VAV3: variants seen among roughly 807,000 people sequenced by gnomAD.
VAV3 encodes the protein vav guanine nucleotide exchange factor 3.
In VAV3, 94 loss-of-function variants were observed where a neutral mutation model predicts 131.2. The ratio of observed to expected loss-of-function variants is 0.72; its 90% CI spans 0.61 to 0.85. The LOEUF is 0.85. VAV3 is among the 40% of genes least tolerant of loss of function. The probability of loss-of-function intolerance (pLI) is 0.00; values close to 1 mark genes in which losing one functional copy is unlikely to be tolerated. For synonymous variants in VAV3, 349 were observed against 342.0 expected (o/e 1.02, Z -0.22); for missense variants, 939 against 1,002.7 (o/e 0.94, Z 0.86).
intron 1 of VAV3, among the ~76,000 whole-genome samples, chr1:107,944,863 C>T (rs1299921412): frequency 2.6e-5 from 4 of 152,174 alleles, no homozygotes; most frequent in African/African-American, 9.7e-5. Context: ...GCCTCGGCCT[C>T]CCAAAGTGCT....
intron 19 of VAV3, among the ~76,000 whole-genome samples, chr1:107,676,971 C>A (rs61798889): frequency 1.3e-5 from 2 of 151,932 alleles, no homozygotes; most frequent in South Asian, 4.1e-4. Flanking sequence ...GGAACTTCCA[C>A]GTTTCTAATA....
At chr1:107,936,401 T>C (rs1673711708) in intron 1 of VAV3, among the ~76,000 whole-genome samples, 1 of 152,188 alleles carries the variant, frequency 6.6e-6, no homozygotes, top group African/African-American at 2.4e-5. Flanking sequence ...AATCAGATTC[T>C]GGGTCTGATT....
intron 1 of VAV3, among the ~76,000 whole-genome samples, chr1:107,890,381 A>G (rs1004629852): frequency 1.8e-4 from 28 of 152,192 alleles, no homozygotes; most frequent in African/African-American, 6.3e-4. Context: ...TTAAGTATAC[A>G]AAGTACTTCT....
chr1:107,884,930 GAAATA>G (rs1670962926), intron 1 of VAV3, among the ~76,000 whole-genome samples: 1 of 152,162 alleles, frequency 6.6e-6, no homozygotes, highest in African/African-American at 2.4e-5. Flanking sequence ...GGTATCAATG[GAAATA>G]GTGGTGGTTT....
At chr1:107,811,904 T>C (rs1667333877) in intron 2 of VAV3, among the ~76,000 whole-genome samples, 1 of 151,998 alleles carries the variant, frequency 6.6e-6, no homozygotes, top group Non-Finnish European at 1.5e-5. Flanking sequence ...TAATATGGCC[T>C]GAGATTTTGG....
chr1:107,779,684 T>A (rs1665578206), intron 2 of VAV3, among the ~76,000 whole-genome samples, 192 bp from the exon 3 acceptor site: 1 of 152,170 alleles, frequency 6.6e-6, no homozygotes, highest in Admixed American at 6.6e-5. Flanking sequence ...TAATTATTAC[T>A]TAAAGTAATA....
intron 1 of VAV3, among the ~76,000 whole-genome samples, chr1:107,897,685 G>A (rs1278500113): frequency 1.3e-5 from 2 of 152,072 alleles, no homozygotes; most frequent in African/African-American, 4.8e-5. Flanking sequence ...ACCATAGACT[G>A]CAGTTCCTCA....
intron 20 of VAV3, among the ~76,000 whole-genome samples, chr1:107,625,468 T>C (rs780449657): frequency 1.3e-5 from 2 of 152,060 alleles, no homozygotes; most frequent in East Asian, 3.9e-4. Flanking sequence ...GGTTTCACCA[T>C]GTTGGCCAGG....
intron 2 of VAV3, among the ~76,000 whole-genome samples, chr1:107,809,404 A>ATTTCTT (rs1010245149): frequency 6.6e-6 from 1 of 152,130 alleles, no homozygotes; most frequent in African/African-American, 2.4e-5. Context: ...ATCAGCACCC[A>ATTTCTT]TTTCTTTGTC....
In VAV3 at chr1:107,964,840, C is replaced by T. The variant is rs1314755081; in HGVS notation, c.30G>A (p.Trp10Ter). The change falls in exon 1 of 27, where the codon TGG becomes TGA. Residue 10 changes from tryptophan to a stop codon, truncating the protein, a stop_gained. Transcript: ENST00000370056. LOFTEE classifies it high-confidence loss of function. The stretch of plus-strand genomic sequence containing the variant: ...TGGGCAGCACCTTGCAATGGATGAG[C>T]CACTGCGCGCACTGCTTCCACGGCT... MEPWKQCAQ[W>*]LIHCKVLPTN... is the part of the protein sequence containing the mutation. 2 of 1,611,222 alleles carry T rather than the reference C, an allele frequency of 1.2e-6. No homozygotes were observed. Among genetic ancestry groups the T allele is most frequent in the Admixed American group, 1.7e-5 (1 of 59,680 alleles).
chr1:107,669,565 T>C, intron 19 of VAV3: 5 of 1,200,068 alleles, frequency 4.2e-6, no homozygotes, highest in South Asian at 3.1e-5. Context: ...CGGTAGCTGA[T>C]GGTTGTAAAT....
intron 1 of VAV3, among the ~76,000 whole-genome samples, chr1:107,876,148 A>C (rs983617630): frequency 1.3e-5 from 2 of 152,136 alleles, no homozygotes; most frequent in African/African-American, 2.4e-5. Context: ...CCAAGTAAAG[A>C]ATGTGTTTCT....
chr1:107,712,856 G>T (rs531062889), intron 15 of VAV3, among the ~76,000 whole-genome samples: 3 of 152,148 alleles, frequency 2.0e-5, no homozygotes, highest in Non-Finnish European at 4.4e-5. Context: ...GAAAGATCAC[G>T]TTAGGAAAAC....
intron 1 of VAV3, 143 bp downstream of exon 1, chr1:107,964,523 G>A: frequency 3.4e-6 from 3 of 877,962 alleles, no homozygotes; most frequent in Non-Finnish European, 3.4e-6. Flanking sequence ...CGCCAAAGTG[G>A]TGCCGAAGTG....
chr1:107,592,347 T>G (rs1651037008), intron 25 of VAV3, among the ~76,000 whole-genome samples: 1 of 152,118 alleles, frequency 6.6e-6, no homozygotes, highest in African/African-American at 2.4e-5. Flanking sequence ...GAGCATTATA[T>G]TAGGAGGTAC....
intron 1 of VAV3, among the ~76,000 whole-genome samples, chr1:107,945,238 G>GA (rs1206260424): frequency 3.3e-5 from 5 of 151,806 alleles, no homozygotes; most frequent in African/African-American, 7.3e-5. Context: ...GATTATATAA[G>GA]AAAAAAACAA....
At chr1:107,782,123 C>T (rs1268393594) in intron 2 of VAV3, among the ~76,000 whole-genome samples, 1 of 152,046 alleles carries the variant, frequency 6.6e-6, no homozygotes, top group Non-Finnish European at 1.5e-5. Flanking sequence ...ACACTGTGGT[C>T]CCAGCATATA....
intron 2 of VAV3, among the ~76,000 whole-genome samples, chr1:107,814,290 C>G (rs1667470855): frequency 1.3e-5 from 2 of 152,088 alleles, no homozygotes; most frequent in African/African-American, 4.8e-5. Context: ...AGTTCCTGTT[C>G]TCCACATTCT....
At chr1:107,669,281 T>G in intron 19 of VAV3, 1 of 1,282,572 alleles carries the variant, frequency 7.8e-7, no homozygotes, top group Admixed American at 2.4e-5. Context: ...CTTCGCTGTG[T>G]AAGTGGGGAC....
Sources: gnomAD v4.1 joint callset for allele counts (sites outside exome capture counted in the v4.1 genomes callset) on GRCh38, gnomAD v4.1.1 for gene constraint, MANE v1.5 for transcripts, NCBI Gene and HGNC (gene_info 2026-07-23, HGNC 2026-07-21) for gene names.